The following LIPF variants were observed in gnomAD, a reference collection of about 807,000 sequenced individuals.
LIPF encodes the protein gastric triacylglycerol lipase.
Under a neutral mutation model 38.0 loss-of-function variants are expected in LIPF, and 25 were observed. The ratio of observed to expected loss-of-function variants is 0.66; its 90% CI spans 0.48 to 0.92. The LOEUF (loss-of-function observed/expected upper bound fraction) is 0.92. Ranked by LOEUF, LIPF falls within the 40% of genes least tolerant of loss-of-function variation. LIPF has a pLI of 0.00. For missense variants in LIPF, 410 were observed against 469.9 expected, an observed-to-expected ratio of 0.87 and a Z score of 1.18; for synonymous variants, 161 against 156.2, an observed-to-expected ratio of 1.03 and a Z score of -0.23.
intron 5 of LIPF, 25 bp downstream of exon 5, chr10:88,669,971 G>A (rs780045588): frequency 2.7e-6 from 4 of 1,471,268 alleles, no homozygotes; most frequent in South Asian, 1.2e-5. Flanking sequence ...TCAAGGCCAA[G>A]TGGTTTACTT....
chr10:88,670,996 G>GT (rs957803856), intron 5 of LIPF, among the ~76,000 whole-genome samples: 6 of 151,806 alleles, frequency 4.0e-5, no homozygotes, highest in South Asian at 2.1e-4. Context: ...ATCTGAAAGG[G>GT]TTTTTTTTAG....
At chr10:88,668,235 C>T (rs948557760) in intron 3 of LIPF, among the ~76,000 whole-genome samples, 16 of 152,126 alleles carry the variant, frequency 1.1e-4, no homozygotes, top group African/African-American at 3.6e-4. Flanking sequence ...AAAGATTACT[C>T]GTAATTTTAC....
At chr10:88,675,362 C>A in intron 7 of LIPF, 1 of 453,850 alleles carries the variant, frequency 2.2e-6, no homozygotes, top group Non-Finnish European at 3.9e-6. Context: ...TAAAATGGAA[C>A]TAATAAGTTC....
intron 7 of LIPF, 82 bp downstream of exon 7, chr10:88,673,816 G>A: frequency 1.8e-6 from 2 of 1,090,020 alleles, no homozygotes; most frequent in Non-Finnish European, 2.7e-6. Context: ...GGTACTTTAT[G>A]AGAACTAGGA....
chr10:88,672,450 C>T (rs1356161793), intron 6 of LIPF, among the ~76,000 whole-genome samples: 1 of 152,116 alleles, frequency 6.6e-6, no homozygotes, highest in East Asian at 1.9e-4. Context: ...ATGGCTTTCC[C>T]TTTTGGCTTT....
intron 7 of LIPF, among the ~76,000 whole-genome samples, chr10:88,674,580 TTAAATTCAAACCC>T (rs1841657014): frequency 6.6e-6 from 1 of 152,210 alleles, no homozygotes; most frequent in Non-Finnish European, 1.5e-5. Flanking sequence ...TTAGATCAGT[TTAAATTCAAACCC>T]TACATTTGGA....
chr10:88,676,357 G>A, intron 9 of LIPF, 77 bp downstream of exon 9: 1 of 860,212 alleles, frequency 1.2e-6, no homozygotes, highest in Non-Finnish European at 1.9e-6. Flanking sequence ...AAGAAATTAT[G>A]TTAACTGCGC....
intron 5 of LIPF, 25 bp from the exon 6 acceptor site, chr10:88,671,804 T>C (rs935764083): frequency 6.9e-6 from 11 of 1,601,150 alleles, no homozygotes; most frequent in Admixed American, 1.8e-5. Flanking sequence ...CACACCTTTT[T>C]CACCAGTTCC....
chr10:88,672,668 ACACTCTCTCT>A (rs1282010351), intron 6 of LIPF, among the ~76,000 whole-genome samples: 9 of 116,584 alleles, frequency 7.7e-5, no homozygotes, highest in Non-Finnish European at 8.9e-5. Flanking sequence ...ACACACACAC[ACACTCTCTCT>A]CTCTCTCTCT....
At chr10:88,670,069 A>C in intron 5 of LIPF, 123 bp downstream of exon 5, 2 of 672,188 alleles carry the variant, frequency 3.0e-6, no homozygotes, top group Non-Finnish European at 2.7e-6. Context: ...CAACAACACA[A>C]TGACATAGGG....
At chr10:88,675,908 G>C (rs990922400) in intron 8 of LIPF, among the ~76,000 whole-genome samples, 1 of 152,070 alleles carries the variant, frequency 6.6e-6, no homozygotes, top group African/African-American at 2.4e-5. Flanking sequence ...ATGTATACAT[G>C]TGCCATGTTG....
chr10:88,668,491 T>G, intron 3 of LIPF, 67 bp from the exon 4 acceptor site: 1 of 1,418,440 alleles, frequency 7.1e-7, no homozygotes, highest in Non-Finnish European at 9.8e-7. Context: ...GAAGACTGTT[T>G]CTAGCCTCAC....
Position 88,669,883 on chromosome 10 carries a change from A to C in LIPF, c.469A>C (p.Ile157Leu). The change falls in exon 5 of 10, where the codon ATT becomes CTT. Residue 157 changes from isoleucine to leucine, a missense_variant. Coordinates refer to ENST00000238983, the MANE Select transcript of LIPF (RefSeq NM_004190.4). ...KYDLPATIDFIVKKTGQKQLH... is the reference protein window; with the variant it reads ...KYDLPATIDFLVKKTGQKQLH... ...TGACCTTCCAGCCACAATCGACTTC[A>C]TTGTAAAGAAAACTGGACAGAAGCA... 6.2e-7 allele frequency: 1 copy of C among 1,613,728 alleles called. No individual in the cohort carries two copies.
intron 6 of LIPF, among the ~76,000 whole-genome samples, chr10:88,672,462 C>T (rs1841614022): frequency 6.6e-6 from 1 of 152,134 alleles, no homozygotes; most frequent in South Asian, 2.1e-4. Context: ...TTTGGCTTTC[C>T]TAAGAGCTCC....
At chr10:88,670,978 T>C (rs1487359672) in intron 5 of LIPF, among the ~76,000 whole-genome samples, 1 of 152,112 alleles carries the variant, frequency 6.6e-6, no homozygotes, top group Non-Finnish European at 1.5e-5. Flanking sequence ...TATTATATAG[T>C]TGTCTATATC....
intron 7 of LIPF, chr10:88,675,348 T>C: frequency 2.3e-6 from 1 of 434,054 alleles, no homozygotes. Flanking sequence ...AATTTTCATG[T>C]TGATAAAATG....
chr10:88,672,664 A>ACTCTCTCT (rs1397216884), intron 6 of LIPF, among the ~76,000 whole-genome samples: 7 of 123,272 alleles, frequency 5.7e-5, no homozygotes, highest in African/African-American at 1.9e-4. Context: ...ACACACACAC[A>ACTCTCTCT]CACACACTCT....
In LIPF at chr10:88,678,526, C is replaced by A. The variant is rs17333991; in HGVS notation, c.1042C>A (p.Pro348Thr). The A allele has an allele frequency of 3.8e-4, 618 of 1,613,950 alleles. 3 individuals carry two copies. The African/African-American group carries it at 7.6e-3, about 20-fold the overall frequency. The change falls in exon 10 of 10, where the codon CCC becomes ACC. Residue 348 changes from proline (P) to threonine (T), a missense_variant. Physicochemically the swap from Pro to Thr is conservative, Grantham distance 38. Transcript: ENST00000238983. ...WNGGKDLLADPQDVGLLLPKL... is the reference protein window; with the variant it reads ...WNGGKDLLADTQDVGLLLPKL... ...CGGTGGCAAGGACCTGTTGGCTGACCCCCAAGATGTTGGCCTTTTGCTTCC... is the reference window on the plus strand; with the variant it reads ...CGGTGGCAAGGACCTGTTGGCTGACACCCAAGATGTTGGCCTTTTGCTTCC...
At position 88,670,074 on chromosome 10, in the gene LIPF, A is replaced by G. The variant is rs775440045; in HGVS notation, c.532+128A>G. The G allele has an allele frequency of 1.2e-5, 8 of 660,116 alleles. No individual in the cohort carries two copies. In the Admixed American group the frequency reaches 1.7e-4, roughly 14 times the overall value. 40.9% of individuals were successfully genotyped at this position (660,116 alleles called of 1,614,324 possible). The stretch of plus-strand genomic sequence containing the variant: ...TTAATGCCTCCAACAACACAATGAC[A>G]TAGGGACAATTATAATTCCTATTAT... On this transcript the variant is annotated intron_variant, in intron 5 of 9. Coordinates refer to ENST00000238983, the MANE Select transcript of LIPF (RefSeq NM_004190.4).
Sources: gnomAD v4.1 joint callset for allele counts (sites outside exome capture counted in the v4.1 genomes callset) on GRCh38, gnomAD v4.1.1 for gene constraint, MANE v1.5 for transcripts, NCBI Gene and HGNC (gene_info 2026-07-23, HGNC 2026-07-21) for gene names.